Variants in ULK4 observed in about 807,000 individuals in gnomAD.
ULK4 encodes the protein unc-51 like kinase 4, also known as inactive serine/threonine-protein kinase ULK4.
In ULK4, 133 loss-of-function variants were observed where a neutral mutation model predicts 160.6. The ratio of observed to expected loss-of-function variants is 0.83; its 90% CI spans 0.72 to 0.96. The LOEUF (loss-of-function observed/expected upper bound fraction) is 0.96, where lower values mean the gene tolerates loss of function less well. Ranked by LOEUF, ULK4 falls within the 40% of genes least tolerant of loss-of-function variation. ULK4 has a pLI of 0.00. For missense variants in ULK4, 1,580 were observed against 1,499.5 expected (o/e 1.05, Z -0.89); for synonymous variants, 534 against 539.8 (o/e 0.99, Z 0.15).
chr3:41,490,778 A>G (rs2084727472), intron 32 of ULK4, among the ~76,000 whole-genome samples: 1 of 152,208 alleles, frequency 6.6e-6, no homozygotes, highest in Non-Finnish European at 1.5e-5. Flanking sequence ...TTTTGAATGA[A>G]TCAATCAACA....
chr3:41,412,141 T>G (rs758774684), intron 34 of ULK4, among the ~76,000 whole-genome samples: 19 of 152,192 alleles, frequency 1.2e-4, no homozygotes, highest in African/African-American at 4.1e-4. Context: ...TATTGCAATT[T>G]TCACGTAAGT....
At chr3:41,317,237 G>A (rs891155698) in intron 35 of ULK4, among the ~76,000 whole-genome samples, 10 of 151,518 alleles carry the variant, frequency 6.6e-5, no homozygotes, top group African/African-American at 2.4e-4. Context: ...CACGGCGCCC[G>A]GCTAATTTTT....
chr3:41,649,584 C>A (rs1289269019), intron 30 of ULK4, among the ~76,000 whole-genome samples: 1 of 152,224 alleles, frequency 6.6e-6, no homozygotes, highest in Admixed American at 6.5e-5. Flanking sequence ...TGGGGGTGTC[C>A]GTGCTCAGGG....
At chr3:41,640,285 AT>A (rs1481623619) in intron 30 of ULK4, among the ~76,000 whole-genome samples, 1 of 152,192 alleles carries the variant, frequency 6.6e-6, no homozygotes. Flanking sequence ...CAAGTGAGTC[AT>A]TTCTTAAAAA....
intron 31 of ULK4, among the ~76,000 whole-genome samples, chr3:41,580,224 G>A (rs968196859): frequency 6.6e-6 from 1 of 152,146 alleles, no homozygotes; most frequent in African/African-American, 2.4e-5. Context: ...GTTGAGCACA[G>A]AGGGGGTGCT....
At chr3:41,613,580 C>T (rs1356850835) in intron 31 of ULK4, among the ~76,000 whole-genome samples, 2 of 151,540 alleles carry the variant, frequency 1.3e-5, no homozygotes, top group African/African-American at 4.8e-5. Context: ...TTGGTGACAA[C>T]AATTTTAAAA....
chr3:41,330,122 G>C (rs569450064), intron 35 of ULK4, among the ~76,000 whole-genome samples: 1 of 152,110 alleles, frequency 6.6e-6, no homozygotes, highest in Non-Finnish European at 1.5e-5. Flanking sequence ...CAGTGGACTG[G>C]AGACAATGCC....
At chr3:41,558,166 T>C (rs1237055968) in intron 32 of ULK4, among the ~76,000 whole-genome samples, 1 of 152,154 alleles carries the variant, frequency 6.6e-6, no homozygotes, top group Non-Finnish European at 1.5e-5. Context: ...TATAAAACTA[T>C]TCATTGTAGA....
At chr3:41,615,630 A>T in intron 31 of ULK4, 39 bp downstream of exon 31, 2 of 1,600,704 alleles carry the variant, frequency 1.2e-6, no homozygotes, top group Non-Finnish European at 1.7e-6. Flanking sequence ...ACAATTTCAA[A>T]ATTTCATTTG....
chr3:41,450,268 A>C (rs536241893), intron 34 of ULK4, among the ~76,000 whole-genome samples: 1 of 152,124 alleles, frequency 6.6e-6, no homozygotes, highest in African/African-American at 2.4e-5. Context: ...TATATTAGCC[A>C]TATCTTATAC....
chr3:41,826,991 C>G (rs981546113), intron 18 of ULK4, among the ~76,000 whole-genome samples: 10 of 150,714 alleles, frequency 6.6e-5, no homozygotes, highest in South Asian at 2.1e-4. Flanking sequence ...AACTAGAACT[C>G]AGGATTAAGA....
chr3:41,299,070 C>A (rs2079730109), intron 35 of ULK4, among the ~76,000 whole-genome samples: 1 of 152,194 alleles, frequency 6.6e-6, no homozygotes. Context: ...TGAATCTGGG[C>A]TGGCCTTGTG....
intron 11 of ULK4, 124 bp from the exon 12 acceptor site, chr3:41,908,065 T>A: frequency 2.4e-6 from 1 of 422,364 alleles, no homozygotes; most frequent in Non-Finnish European, 3.9e-6. Context: ...ATACTGTCAC[T>A]AAAAAAGTCT....
chr3:41,896,585 T>G (rs565317867), intron 15 of ULK4, among the ~76,000 whole-genome samples: 2 of 152,148 alleles, frequency 1.3e-5, no homozygotes, highest in African/African-American at 2.4e-5. Flanking sequence ...ATCTTACAAG[T>G]TAACATAAAA....
At chr3:41,258,985 GATATACATATATACATAT>G (rs1410931762) in intron 35 of ULK4, among the ~76,000 whole-genome samples, 2 of 148,624 alleles carry the variant, frequency 1.3e-5, no homozygotes, top group African/African-American at 2.5e-5. Flanking sequence ...TATATATACA[GATATACATATATACATAT>G]GTATACATAT....
At chr3:41,367,915 T>C (rs1320368499) in intron 35 of ULK4, among the ~76,000 whole-genome samples, 1 of 152,176 alleles carries the variant, frequency 6.6e-6, no homozygotes, top group Non-Finnish European at 1.5e-5. Context: ...GTCATGTGTG[T>C]GCCAAGAAAA....
At chr3:41,807,154 C>T (rs1390968606) in intron 19 of ULK4, among the ~76,000 whole-genome samples, 1 of 151,820 alleles carries the variant, frequency 6.6e-6, no homozygotes, top group Non-Finnish European at 1.5e-5. Context: ...TTACAACACA[C>T]ATACATTAAA....
At chr3:41,689,564 C>G (rs199872245) in intron 27 of ULK4, among the ~76,000 whole-genome samples, 1 of 152,024 alleles carries the variant, frequency 6.6e-6, no homozygotes, top group Non-Finnish European at 1.5e-5. Context: ...TAATATCCAG[C>G]ATCTACAATG....
intron 31 of ULK4, among the ~76,000 whole-genome samples, chr3:41,606,417 G>A (rs1308962400): frequency 6.6e-6 from 1 of 151,844 alleles, no homozygotes; most frequent in African/African-American, 2.4e-5. Context: ...ATTGTGAACG[G>A]GGTTGCAATA....
Sources: gnomAD v4.1 joint callset for allele counts (sites outside exome capture counted in the v4.1 genomes callset) on GRCh38, gnomAD v4.1.1 for gene constraint, MANE v1.5 for transcripts, NCBI Gene and HGNC (gene_info 2026-07-23, HGNC 2026-07-21) for gene names.